The following SUSD3 variants were observed in gnomAD, a reference collection of about 807,000 sequenced individuals.
SUSD3 encodes the protein sushi domain-containing protein 3.
A neutral mutation model predicts 20.6 loss-of-function variants in SUSD3; 18 were observed. That is an observed-to-expected ratio of 0.87 (90% confidence interval 0.60 to 1.30). SUSD3 has a LOEUF of 1.30. SUSD3 is among the 50% of genes most tolerant of loss of function. The pLI is 0.00. For synonymous variants in SUSD3, 137 were observed against 141.5 expected (o/e 0.97, Z 0.23); for missense variants, 306 against 346.9 (o/e 0.88, Z 0.94).
At chr9:93,064,155 C>G (rs1825615720) in intron 1 of SUSD3, among the ~76,000 whole-genome samples, 1 of 152,174 alleles carries the variant, frequency 6.6e-6, no homozygotes, top group Non-Finnish European at 1.5e-5. Flanking sequence ...TCAAGCAATT[C>G]TCCTGCCTCA....
At chr9:93,063,529 G>A (rs1415833162) in intron 1 of SUSD3, among the ~76,000 whole-genome samples, 1 of 152,152 alleles carries the variant, frequency 6.6e-6, no homozygotes, top group African/African-American at 2.4e-5. Flanking sequence ...GGGGCTAAGA[G>A]GGGGCATTGC....
intron 4 of SUSD3, among the ~76,000 whole-genome samples, chr9:93,080,602 G>A (rs769633835): frequency 6.6e-6 from 1 of 152,202 alleles, no homozygotes; most frequent in Non-Finnish European, 1.5e-5. Context: ...TCACAGACAT[G>A]GGCCAGGCTG....
chr9:93,073,941 G>T (rs1472579494), intron 1 of SUSD3, among the ~76,000 whole-genome samples: 2 of 152,140 alleles, frequency 1.3e-5, no homozygotes, highest in Non-Finnish European at 2.9e-5. Flanking sequence ...AAAAAGTGTG[G>T]TAAGACCCTC....
intron 3 of SUSD3, 86 bp from the exon 4 acceptor site, chr9:93,079,385 G>A: frequency 6.7e-7 from 1 of 1,483,288 alleles, no homozygotes; most frequent in Non-Finnish European, 9.2e-7. Flanking sequence ...TGCAGACGGT[G>A]CCCTGGGCCT....
intron 1 of SUSD3, 53 bp from the exon 2 acceptor site, chr9:93,075,731 T>TGCGGGGGGGGGGGGGGGG: frequency 2.5e-6 from 1 of 398,894 alleles, no homozygotes; most frequent in Non-Finnish European, 4.4e-6. Flanking sequence ...AGCCCTGCCC[T>TGCGGGGGGGGGGGGGGGG]GCGTGCCCAC....
chr9:93,077,806 G>A, intron 2 of SUSD3, 40 bp from the exon 3 acceptor site: 1 of 1,612,200 alleles, frequency 6.2e-7, no homozygotes, highest in Non-Finnish European at 8.5e-7. Context: ...GCAAATCTGG[G>A]CAAACCTCGC....
intron 2 of SUSD3, among the ~76,000 whole-genome samples, chr9:93,076,680 C>G (rs941429354): frequency 2.6e-5 from 4 of 152,212 alleles, no homozygotes; most frequent in Non-Finnish European, 1.5e-5. Flanking sequence ...AGGTGATTCT[C>G]TGAGGATGCG....
At chr9:93,061,213 G>C (rs1317323182) in intron 1 of SUSD3, among the ~76,000 whole-genome samples, 2 of 152,258 alleles carry the variant, frequency 1.3e-5, no homozygotes, top group African/African-American at 2.4e-5. Flanking sequence ...GCCTGGAGAG[G>C]GGGTAGCAGG....
chr9:93,066,464 C>T (rs1483844845), intron 1 of SUSD3, among the ~76,000 whole-genome samples: 1 of 152,152 alleles, frequency 6.6e-6, no homozygotes, highest in African/African-American at 2.4e-5. Flanking sequence ...AAACTGCTGA[C>T]CTCATGATCC....
At chr9:93,082,216 T>C (rs1463745562) in intron 4 of SUSD3, among the ~76,000 whole-genome samples, 1 of 152,230 alleles carries the variant, frequency 6.6e-6, no homozygotes, top group Non-Finnish European at 1.5e-5. Flanking sequence ...CATTTTCTGT[T>C]TTCTCTGCTG....
At chr9:93,079,278 A>G (rs1826302924) in intron 3 of SUSD3, among the ~76,000 whole-genome samples, 193 bp from the exon 4 acceptor site, 1 of 152,184 alleles carries the variant, frequency 6.6e-6, no homozygotes, top group Non-Finnish European at 1.5e-5. Context: ...TTGGGCTGCA[A>G]TTGCAGAGTT....
In SUSD3 at chr9:93,084,615, A is replaced by G. The variant is rs2119021155; in HGVS notation, c.636A>G (p.Leu212=). ...VDKDPGIPRA[L]SLSGSSSSPQ... Reference sequence around the variant, plus strand: ...AGGACCCTGGGATCCCCAGAGCTCTAAGCCTCAGTGGCTCCTCCAGCTCAC... The same window carrying G: ...AGGACCCTGGGATCCCCAGAGCTCTGAGCCTCAGTGGCTCCTCCAGCTCAC... Residue 212 remains leucine (L), a synonymous_variant, in exon 5 of 5, where the codon CTA becomes CTG. Coordinates refer to ENST00000375472, the MANE Select transcript of SUSD3 (RefSeq NM_145006.4). The G allele has an allele frequency of 4.3e-6, 7 of 1,610,274 alleles. No homozygotes were observed. Among genetic ancestry groups the G allele is most frequent in the Non-Finnish European group, 5.9e-6 (7 of 1,178,318 alleles).
At chr9:93,083,532 T>C (rs540962186) in intron 4 of SUSD3, among the ~76,000 whole-genome samples, 1 of 152,358 alleles carries the variant, frequency 6.6e-6, no homozygotes, top group East Asian at 1.9e-4. Context: ...CCAGGCACTG[T>C]TCTGAACTCT....
At chr9:93,077,594 C>T (rs1281412822) in intron 2 of SUSD3, among the ~76,000 whole-genome samples, 2 of 152,152 alleles carry the variant, frequency 1.3e-5, no homozygotes, top group Non-Finnish European at 2.9e-5. Context: ...TCCTACACAC[C>T]CTGCTCAAAT....
intron 2 of SUSD3, 72 bp downstream of exon 2, chr9:93,076,044 G>A (rs1826146626): frequency 3.6e-6 from 5 of 1,384,152 alleles, no homozygotes; most frequent in Non-Finnish European, 5.0e-6. Context: ...TGGGGATGGT[G>A]TGGGTGGGGA....
intron 3 of SUSD3, among the ~76,000 whole-genome samples, chr9:93,078,451 G>A (rs1826265418): frequency 6.6e-6 from 1 of 152,218 alleles, no homozygotes; most frequent in African/African-American, 2.4e-5. Flanking sequence ...GTGGAGATGG[G>A]GTTTCACCAT....
Position 93,077,993 on chromosome 9 carries a change from GGTAC to G in SUSD3, c.425+2_425+5del. 1 of 1,614,180 alleles carries G rather than the reference GGTAC, an allele frequency of 6.2e-7. No homozygotes were observed. Among genetic ancestry groups the G allele is most frequent in the Non-Finnish European group, 8.5e-7 (1 of 1,180,040 alleles). ...AAGAGCAAGCGGCGGCGCTCCAACA[GGTAC>G]GGTGGCCTCATGATCTCAGGGTCCT... On this transcript the variant is annotated splice_donor_variant and splice_donor_region_variant and intron_variant, in intron 3 of 4. Coordinates refer to ENST00000375472, the MANE Select transcript of SUSD3 (RefSeq NM_145006.4). LOFTEE classifies it high-confidence loss of function.
At chr9:93,078,419 C>T (rs1486287712) in intron 3 of SUSD3, among the ~76,000 whole-genome samples, 2 of 152,128 alleles carry the variant, frequency 1.3e-5, no homozygotes, top group Admixed American at 6.5e-5. Flanking sequence ...CCACCACACT[C>T]GGCTAATTTT....
rs1826147636 is a variant in SUSD3 at position 93,076,054 on chromosome 9, A to T, written c.277+82A>T. The T allele has an allele frequency of 5.5e-6, 7 of 1,271,554 alleles. No homozygotes were observed. The East Asian group carries it at 1.7e-4, about 31-fold the overall frequency. 78.8% of individuals were successfully genotyped at this position (1,271,554 alleles called of 1,614,324 possible). ...TGTCATGGGGATGGTGTGGGTGGGG[A>T]TGGCGTGGGTGTCTACTCACAAGCA... is the stretch of plus-strand genomic sequence containing the variant. On this transcript the variant is annotated intron_variant, in intron 2 of 4. Transcript: ENST00000375472.
Sources: gnomAD v4.1 joint callset for allele counts (sites outside exome capture counted in the v4.1 genomes callset) on GRCh38, gnomAD v4.1.1 for gene constraint, MANE v1.5 for transcripts, NCBI Gene and HGNC (gene_info 2026-07-23, HGNC 2026-07-21) for gene names.